OPRM1: variants seen among roughly 807,000 people sequenced by gnomAD.
The protein encoded by OPRM1 is mu-type opioid receptor.
In OPRM1, 27 loss-of-function variants were observed where a neutral mutation model predicts 31.8. The ratio of observed to expected loss-of-function variants is 0.85; its 90% CI spans 0.63 to 1.17. The LOEUF is 1.17. Ranked by LOEUF, OPRM1 falls within the 50% of genes most tolerant of loss-of-function variation. OPRM1 has a pLI of 0.00. For missense variants in OPRM1, 536 were observed against 511.1 expected, an observed-to-expected ratio of 1.05 and a Z score of -0.47; for synonymous variants, 196 against 189.9, an observed-to-expected ratio of 1.03 and a Z score of -0.26.
rs200293056 is a variant in OPRM1 at position 154,039,266 on chromosome 6, C to T, written c.-279C>T. 21 of 1,551,580 alleles carry T rather than the reference C, an allele frequency of 1.4e-5. No individual in the cohort carries two copies. Among genetic ancestry groups the T allele is most frequent in the East Asian group, 2.4e-5 (1 of 40,922 alleles). On this transcript the variant is annotated 5_prime_UTR_variant, in exon 1 of 4. Transcript: ENST00000330432. ...TCCCTCCCTTCCAGCCTCCGAATCC[C>T]GCATGGCCCACGCTCCCCTCCTGCA...
chr6:154,188,911 G>T (rs1020168000), intron 3 of OPRM1, among the ~76,000 whole-genome samples: 3 of 151,962 alleles, frequency 2.0e-5, no homozygotes, highest in African/African-American at 7.2e-5. Context: ...TAAGATACCA[G>T]TGTAGGGAGA....
chr6:154,041,001 T>C (rs554487553), intron 1 of OPRM1, among the ~76,000 whole-genome samples: 1 of 152,242 alleles, frequency 6.6e-6, no homozygotes, highest in African/African-American at 2.4e-5. Context: ...TATGTGTATA[T>C]AGGGAACATG....
chr6:154,182,425 G>A (rs937250657), intron 3 of OPRM1, among the ~76,000 whole-genome samples: 1 of 152,098 alleles, frequency 6.6e-6, no homozygotes, highest in South Asian at 2.1e-4. Context: ...ATAATCTTAA[G>A]TTGACTCCAT....
chr6:154,029,745 A>G (rs1307631196), intron 1 of OPRM1, among the ~76,000 whole-genome samples: 1 of 152,182 alleles, frequency 6.6e-6, no homozygotes, highest in Non-Finnish European at 1.5e-5. Context: ...ATTGAATCCT[A>G]GGGGCAGTTA....
Position 154,119,275 on chromosome 6 carries a change from T to C in OPRM1, c.*554T>C. 2.0e-6 allele frequency: 2 copies of C among 985,608 alleles called. No homozygotes were observed. Among genetic ancestry groups the C allele is most frequent in the Non-Finnish European group, 2.4e-6 (2 of 829,862 alleles). The allele number at this position is 985,608 out of a possible 1,614,324, so 61.1% of individuals were successfully genotyped here. ...TCACCTCCATTTCTTGGTTTTGTAT[T>C]GTTTAAAAAAATAACATCTCTTTCA... On this transcript the variant is annotated 3_prime_UTR_variant, in exon 4 of 4. Transcript: ENST00000330432.
At position 154,072,924 on chromosome 6, in the gene OPRM1, A is replaced by G. The variant is rs577919913; in HGVS notation, c.291-16902A>G. 6.6e-5 allele frequency among the ~76,000 whole-genome samples: 10 copies of G among 152,336 alleles called. No individual in the cohort carries two copies. The South Asian group carries it at 8.3e-4, about 13-fold the overall frequency. On this transcript the variant is annotated intron_variant, in intron 1 of 3. Transcript: ENST00000330432. ...CCAGCCCCTTTAAAATTTAGAAAAT[A>G]GAGTACTTTTATGTTTTCCTTGGGA...
chr6:154,033,251 A>C (rs1253600182), intron 1 of OPRM1, among the ~76,000 whole-genome samples: 1 of 152,248 alleles, frequency 6.6e-6, no homozygotes, highest in Non-Finnish European at 1.5e-5. Context: ...AAGTCCCTAA[A>C]GTCCTTGGAA....
At chr6:154,056,489 C>T (rs1042529402) in intron 1 of OPRM1, among the ~76,000 whole-genome samples, 1 of 151,758 alleles carries the variant, frequency 6.6e-6, no homozygotes, top group African/African-American at 2.4e-5. Context: ...AACACCTTCA[C>T]GATGGATTTT....
rs546817699 is a variant in OPRM1 at position 154,182,447 on chromosome 6, CTGAT to C, written c.1165-64244_1165-64241del. On this transcript the variant is annotated intron_variant, in intron 3 of 3. Coordinates refer to the OPRM1 transcript ENST00000337049. ...TAAGTTGACTCCATTGCTCAACTAT[CTGAT>C]TAAGTAGCTTTATATTCTTAAAACA... Among the ~76,000 whole-genome samples, 146 of 152,248 alleles carry C rather than the reference CTGAT, an allele frequency of 9.6e-4. 1 individual carries two copies. The highest frequency in any genetic ancestry group is 3.4e-3 in the Middle Eastern group (1 of 294).
chr6:154,099,893 A>G (rs966450680), intron 3 of OPRM1, among the ~76,000 whole-genome samples: 28 of 145,422 alleles, frequency 1.9e-4, no homozygotes, highest in Non-Finnish European at 3.4e-4. Context: ...AACATATTAT[A>G]TATTATATTA....
intron 3 of OPRM1, among the ~76,000 whole-genome samples, chr6:154,217,816 AT>A (rs1424936346): frequency 1.3e-5 from 2 of 152,196 alleles, no homozygotes; most frequent in African/African-American, 2.4e-5. Context: ...TAGGGAAAAT[AT>A]TTTTTTAAAG....
chr6:154,115,535 GCCT>G (rs1487915194), intron 3 of OPRM1, among the ~76,000 whole-genome samples: 1 of 152,066 alleles, frequency 6.6e-6, no homozygotes, highest in Non-Finnish European at 1.5e-5. Context: ...GTGAGGCTCT[GCCT>G]CAAAAGAAAA....
Position 154,152,347 on chromosome 6 carries a change from G to GAAAGAAAGAAAGAAAGAAAGAAAGAAA in OPRM1, c.1164+60875_1164+60876insAAAGAAAGAAAGAAAGAAAGAAAGAAA. Among the ~76,000 whole-genome samples, 121 of 65,170 alleles carry GAAAGAAAGAAAGAAAGAAAGAAAGAAA rather than the reference G, an allele frequency of 1.9e-3. 3 individuals carry two copies. The highest frequency in any genetic ancestry group is 9.5e-3 in the East Asian group (21 of 2,204). The allele number at this position is 65,170 out of a possible 152,430, so 42.8% of individuals were successfully genotyped here. On this transcript the variant is annotated intron_variant, in intron 3 of 3. Coordinates refer to the OPRM1 transcript ENST00000337049. ...AGAAAGAAAGAAAGAAAGAAAGAAA[G>GAAAGAAAGAAAGAAAGAAAGAAAGAAA]GAAAGAAAGAAAGAAAGAAAGAAAG...
At chr6:154,109,674 AGT>A (rs1220535609) in intron 3 of OPRM1, among the ~76,000 whole-genome samples, 1 of 152,128 alleles carries the variant, frequency 6.6e-6, no homozygotes, top group Non-Finnish European at 1.5e-5. Flanking sequence ...TCTATAGACA[AGT>A]GTTAGGAAAT....
intron 3 of OPRM1, among the ~76,000 whole-genome samples, chr6:154,215,250 A>C (rs2128609194): frequency 6.6e-6 from 1 of 152,192 alleles, no homozygotes; most frequent in South Asian, 2.1e-4. Flanking sequence ...ATAATTAGGA[A>C]TCCTTACGCA....
rs140096033 is a variant in OPRM1, at chr6:154,191,672, T to TCAACAA, written c.1165-54987_1165-54982dup. On this transcript the variant is annotated intron_variant, in intron 3 of 3. Transcript: ENST00000337049. ...CTGGGTGACAGAGTGAGACTTTGCC[T>TCAACAA]CAACAACAACAACAACAACAACAAC... 1.5e-3 allele frequency among the ~76,000 whole-genome samples: 224 copies of TCAACAA among 149,688 alleles called. 1 individual carries two copies. Among genetic ancestry groups the TCAACAA allele is most frequent in the Non-Finnish European group, 1.9e-3 (131 of 67,530 alleles).
In OPRM1 at chr6:154,108,005, C is replaced by T. The variant is rs28785263; in HGVS notation, c.1165-10678C>T. ...TTTATTTTATTGCCATTCATTCAAC[C>T]GTTTGCACAGAGAGAAAGAAGACAG... On this transcript the variant is annotated intron_variant, in intron 3 of 3. Transcript: ENST00000330432. 847 of 643,386 alleles carry T rather than the reference C, an allele frequency of 1.3e-3. 10 individuals carry two copies. In the African/African-American group the frequency reaches 0.014, roughly 11 times the overall value. The allele number at this position is 643,386 out of a possible 1,614,324, so 39.9% of individuals were successfully genotyped here. A position where few individuals can be genotyped will look rare whatever the true frequency, so the allele number is the denominator to read the frequency against.
intron 1 of OPRM1, among the ~76,000 whole-genome samples, chr6:154,042,025 AG>A (rs1780169628): frequency 6.6e-6 from 1 of 152,112 alleles, no homozygotes; most frequent in South Asian, 2.1e-4. Flanking sequence ...GTTGACTTGG[AG>A]AAACATGGTG....
intron 1 of OPRM1, among the ~76,000 whole-genome samples, chr6:154,013,968 C>G (rs574100414): frequency 6.6e-6 from 1 of 151,990 alleles, no homozygotes; most frequent in African/African-American, 2.4e-5. Flanking sequence ...GGTCATCCTA[C>G]GCATTGAGAG....
Sources: gnomAD v4.1 joint callset for allele counts (sites outside exome capture counted in the v4.1 genomes callset) on GRCh38, gnomAD v4.1.1 for gene constraint, MANE v1.5 for transcripts, NCBI Gene and HGNC (gene_info 2026-07-23, HGNC 2026-07-21) for gene names.